Variants in PCDHA9 observed in about 807,000 individuals in gnomAD.
PCDHA9 encodes protocadherin alpha-9.
A neutral mutation model predicts 62.0 loss-of-function variants in PCDHA9; 62 were observed. The ratio of observed to expected loss-of-function variants is 1.00; its 90% confidence interval spans 0.81 to 1.23. The LOEUF (loss-of-function observed/expected upper bound fraction) is 1.23. Ranked by LOEUF, PCDHA9 falls within the 50% of genes most tolerant of loss-of-function variation. PCDHA9 has a pLI of 0.00. For missense variants in PCDHA9, 1,205 were observed against 1,249.8 expected, an observed-to-expected ratio of 0.96 and a Z score of 0.54; for synonymous variants, 557 against 567.6, an observed-to-expected ratio of 0.98 and a Z score of 0.27.
chr5:140,884,606 C>T (rs1554181776), intron 1 of PCDHA9: 1 of 1,614,038 alleles, frequency 6.2e-7, no homozygotes, highest in African/African-American at 1.3e-5. Flanking sequence ...TCCTCCTTGT[C>T]TGGGTTCTGC....
chr5:140,864,277 T>C (rs1203382304), intron 1 of PCDHA9: 1 of 152,228 alleles, frequency 6.6e-6, no homozygotes, highest in African/African-American at 2.4e-5. Context: ...CTCCATTCCT[T>C]ATTGTTTTTA....
At chr5:140,867,891 G>A (rs1468636250) in intron 1 of PCDHA9, 1 of 152,016 alleles carries the variant, frequency 6.6e-6, no homozygotes, top group Non-Finnish European at 1.5e-5. Flanking sequence ...CACAATATCA[G>A]GTACTTACAG....
intron 1 of PCDHA9, among the ~76,000 whole-genome samples, chr5:140,885,154 T>C (rs1483016887): frequency 2.0e-5 from 3 of 152,168 alleles, no homozygotes; most frequent in African/African-American, 7.2e-5. Context: ...GTTTTGATTG[T>C]CTCTACTTTT....
In PCDHA9 at chr5:140,849,688, T is replaced by C; in HGVS notation, c.1193T>C (p.Val398Ala). 3 of 1,598,706 alleles carry C rather than the reference T, an allele frequency of 1.9e-6. No individual in the cohort carries two copies. Among genetic ancestry groups the C allele is most frequent in the Non-Finnish European group, 2.6e-6 (3 of 1,168,030 alleles). ...ACGCCCCACGTCCCCTTCAAGCTGG[T>C]GTCCACCTACAAGAATTACTACTCG... ...SLTPHVPFKL[V>A]STYKNYYSLV... is the part of the protein sequence containing the mutation. Residue 398 changes from valine to alanine, a missense_variant, in exon 1 of 4, where the codon GTG becomes GCG. Val to Ala is a moderately conservative substitution (Grantham distance 64). Coordinates refer to ENST00000532602, the MANE Select transcript of PCDHA9 (RefSeq NM_031857.2).
Position 141,009,737 on chromosome 5 carries a change from C to T in PCDHA9, c.2653C>T (p.Pro885Ser). The T allele has an allele frequency of 6.2e-7, 1 of 1,614,130 alleles. No homozygotes were observed. The highest frequency in any genetic ancestry group is 8.5e-7 in the Non-Finnish European group (1 of 1,180,024). Residue 885 changes from proline (P) to serine (S), a missense_variant, in exon 4 of 4, where the codon CCC becomes TCC. Physicochemically the swap from Pro to Ser is moderately conservative, Grantham distance 74 (BLOSUM62 -1). Coordinates refer to ENST00000532602, the MANE Select transcript of PCDHA9 (RefSeq NM_031857.2). ...NPKQSGPGEL[P>S]DKFIIPGSPA... Reference sequence around the variant, plus strand: ...CAAACAATCCGGTCCCGGTGAGTTGCCCGACAAATTCATTATCCCAGGATC... The same window carrying T: ...CAAACAATCCGGTCCCGGTGAGTTGTCCGACAAATTCATTATCCCAGGATC...
At position 140,969,519 on chromosome 5, in the gene PCDHA9, G is replaced by A. The variant is rs1586385280; in HGVS notation, c.2395-9430G>A. On this transcript the variant is annotated intron_variant, in intron 1 of 3. Transcript: ENST00000532602. ...TCTAGAAAAATAGCACTAAAGAATTGTTTTATTTTTCATTTTCAGAGGCAT... is the reference window on the plus strand; with the variant it reads ...TCTAGAAAAATAGCACTAAAGAATTATTTTATTTTTCATTTTCAGAGGCAT... The A allele has an allele frequency of 3.6e-6, 5 of 1,406,074 alleles. No individual in the cohort carries two copies. The East Asian group carries it at 1.3e-4, about 35-fold the overall frequency. 87.1% of individuals were successfully genotyped at this position (1,406,074 alleles called of 1,614,324 possible). A position where few individuals can be genotyped will look rare whatever the true frequency, so the allele number is the denominator to read the frequency against.
In PCDHA9 at chr5:140,875,591, A is replaced by G. The variant is rs1438500941; in HGVS notation, c.2394+24702A>G. ...CACTACTCCGTCTACGAGGAGGCCAAACACGGCACCTTCGTGGGCCGCATC... is the reference window on the plus strand; with the variant it reads ...CACTACTCCGTCTACGAGGAGGCCAGACACGGCACCTTCGTGGGCCGCATC... On this transcript the variant is annotated intron_variant, in intron 1 of 3. Coordinates refer to ENST00000532602, the MANE Select transcript of PCDHA9 (RefSeq NM_031857.2). The G allele has an allele frequency of 9.3e-6, 15 of 1,613,878 alleles. No homozygotes were observed. The highest frequency in any genetic ancestry group is 1.7e-5 in the Admixed American group (1 of 60,004).
intron 1 of PCDHA9, among the ~76,000 whole-genome samples, chr5:140,902,264 C>G (rs1187258512): frequency 6.8e-6 from 1 of 147,240 alleles, no homozygotes; most frequent in Admixed American, 6.9e-5. Context: ...TCTCGAACTC[C>G]TGGGCTCAAG....
intron 1 of PCDHA9, chr5:140,862,681 G>T: frequency 1.8e-6 from 1 of 551,660 alleles, no homozygotes. Context: ...GAACGTGCTG[G>T]TGTCCTACTC....
At chr5:140,925,665 A>C (rs2082643258) in intron 1 of PCDHA9, among the ~76,000 whole-genome samples, 1 of 149,266 alleles carries the variant, frequency 6.7e-6, no homozygotes, top group Non-Finnish European at 1.5e-5. Flanking sequence ...TAATAATAAT[A>C]ATAATAATAA....
intron 1 of PCDHA9, among the ~76,000 whole-genome samples, chr5:140,976,093 A>G (rs782314077): frequency 6.6e-6 from 1 of 152,238 alleles, no homozygotes; most frequent in African/African-American, 2.4e-5. Context: ...TCAGTAGTCA[A>G]CTTTTCAACT....
intron 1 of PCDHA9, among the ~76,000 whole-genome samples, chr5:140,940,000 G>A (rs1442780881): frequency 6.6e-6 from 1 of 152,080 alleles, no homozygotes; most frequent in Non-Finnish European, 1.5e-5. Context: ...CTTGGATTTT[G>A]TCAATTTTTT....
At chr5:140,936,552 T>C (rs1408956922) in intron 1 of PCDHA9, among the ~76,000 whole-genome samples, 5 of 152,234 alleles carry the variant, frequency 3.3e-5, no homozygotes, top group Admixed American at 3.3e-4. Flanking sequence ...AATGTAGAAG[T>C]CAAGATTTAT....
intron 1 of PCDHA9, among the ~76,000 whole-genome samples, chr5:140,885,133 T>G (rs2060482847): frequency 6.6e-6 from 1 of 152,216 alleles, no homozygotes; most frequent in Admixed American, 6.5e-5. Context: ...CTTTCTTTCT[T>G]TTTTTAAACT....
intron 1 of PCDHA9, among the ~76,000 whole-genome samples, chr5:140,920,853 A>C (rs375783359): frequency 1.3e-5 from 2 of 152,062 alleles, no homozygotes; most frequent in African/African-American, 4.8e-5. Flanking sequence ...AAAAAAAAAA[A>C]AAAAACAAAC....
In PCDHA9 at chr5:141,010,289, C is replaced by G. The variant is rs2098416832; in HGVS notation, c.*352C>G. The G allele has an allele frequency of 4.5e-6, 7 of 1,550,274 alleles. No homozygotes were observed. The highest frequency in any genetic ancestry group is 3.9e-5 in the Admixed American group (2 of 50,654). ...GGGGATCCTGTCTTGATGACACTTG[C>G]AGGGCAGGCTGAAAAGTTTTGAGAT... On this transcript the variant is annotated 3_prime_UTR_variant, in exon 4 of 4. Transcript: ENST00000532602.
intron 1 of PCDHA9, among the ~76,000 whole-genome samples, chr5:140,912,449 A>G (rs2075925716): frequency 6.6e-6 from 1 of 151,398 alleles, no homozygotes; most frequent in South Asian, 2.1e-4. Flanking sequence ...GTGTGCATTG[A>G]TTTTGTATCC....
intron 1 of PCDHA9, among the ~76,000 whole-genome samples, chr5:140,920,769 G>T (rs2153558518): frequency 6.6e-6 from 1 of 151,918 alleles, no homozygotes; most frequent in African/African-American, 2.4e-5. Context: ...GCTTACACCT[G>T]GGAGGTGGAG....
intron 3 of PCDHA9, among the ~76,000 whole-genome samples, chr5:140,982,811 A>G (rs1024619481): frequency 1.3e-5 from 2 of 150,966 alleles, no homozygotes; most frequent in Non-Finnish European, 1.5e-5. Flanking sequence ...GTGTGTGTGT[A>G]TGAAGTTTTT....
Sources: gnomAD v4.1 joint callset for allele counts (sites outside exome capture counted in the v4.1 genomes callset) on GRCh38, gnomAD v4.1.1 for gene constraint, MANE v1.5 for transcripts, NCBI Gene and HGNC (gene_info 2026-07-23, HGNC 2026-07-21) for gene names.